Variants in NAPG observed in about 807,000 individuals in gnomAD.
The protein encoded by NAPG is gamma-soluble NSF attachment protein.
A neutral mutation model predicts 48.4 loss-of-function variants in NAPG; 25 were observed. That is an observed-to-expected ratio of 0.52 (90% CI 0.38 to 0.72). The LOEUF (loss-of-function observed/expected upper bound fraction) is 0.72. NAPG is among the 30% of genes least tolerant of loss of function. The pLI, the probability that NAPG is intolerant of heterozygous loss-of-function variation, is 0.00. For missense variants in NAPG, 359 were observed against 372.5 expected (o/e 0.96, Z 0.30); for synonymous variants, 139 against 127.2 (o/e 1.09, Z -0.62).
chr18:10,549,857 TA>T (rs1405488699), intron 11 of NAPG, among the ~76,000 whole-genome samples: 4 of 152,032 alleles, frequency 2.6e-5, no homozygotes, highest in African/African-American at 4.8e-5. Context: ...AAGTTTTAAT[TA>T]AAAAAAATTT....
rs981924499 is a variant in NAPG, at chr18:10,548,707, G to T, written c.666-260G>T. ...AGAAATCAAAATGAGGAATTTTCTC[G>T]GTGTTTAACATGAGCAGTCTTAATC... On this transcript the variant is annotated intron_variant, in intron 10 of 11. Coordinates refer to ENST00000322897, the MANE Select transcript of NAPG (RefSeq NM_003826.3). This position sits in a 1 kb window ranked among gnomAD's most constrained non-coding sequence, Gnocchi z 4.4. Among the ~76,000 whole-genome samples, 1 of 151,898 alleles carries T rather than the reference G, an allele frequency of 6.6e-6. No homozygotes were observed. The highest frequency in any genetic ancestry group is 2.4e-5 in the African/African-American group (1 of 41,346).
Position 10,552,546 on chromosome 18 carries a change from A to G in NAPG, c.*2326A>G, listed in dbSNP as rs1300740446. The G allele has an allele frequency of 3.9e-5, 6 of 152,264 alleles. No homozygotes were observed. Among genetic ancestry groups the G allele is most frequent in the Admixed American group, 2.0e-4 (3 of 15,284 alleles). The allele number at this position is 152,264 out of a possible 1,614,324, so 9.4% of individuals were successfully genotyped here. A position where few individuals can be genotyped will look rare whatever the true frequency, so the allele number is the denominator to read the frequency against. On this transcript the variant is annotated 3_prime_UTR_variant, in exon 12 of 12. Transcript: ENST00000322897. ...GAATATGCTCAGAATCTAATATTCA[A>G]TGTTCTGTTACATTGTAAGTGAAGT...
intron 8 of NAPG, among the ~76,000 whole-genome samples, chr18:10,541,998 A>G (rs1200891633): frequency 1.3e-5 from 2 of 152,216 alleles, no homozygotes; most frequent in African/African-American, 2.4e-5. Context: ...AAGCTCCACT[A>G]GGGATGGGGG....
rs2032002739 is a variant in NAPG, at chr18:10,534,974, A to G, written c.258+478A>G. ...CTGCATGGAATATTCCAACTAATGT[A>G]CCTGTGCCACTGTTTGTACTTCTGC... On this transcript the variant is annotated intron_variant, in intron 5 of 11. Coordinates refer to ENST00000322897, the MANE Select transcript of NAPG (RefSeq NM_003826.3). This position sits in a 1 kb window ranked among gnomAD's most constrained non-coding sequence, Gnocchi z 5.0. Among the ~76,000 whole-genome samples, 1 of 152,236 alleles carries G rather than the reference A, an allele frequency of 6.6e-6. No individual in the cohort carries two copies. Among genetic ancestry groups the G allele is most frequent in the Non-Finnish European group, 1.5e-5 (1 of 68,046 alleles).
chr18:10,540,273 A>AT, intron 7 of NAPG, 56 bp from the exon 8 acceptor site: 3 of 1,466,320 alleles, frequency 2.0e-6, no homozygotes, highest in Non-Finnish European at 2.9e-6. Flanking sequence ...ATATTAGGGG[A>AT]TAAAAACATT....
At chr18:10,535,477 G>A (rs2032012044) in intron 5 of NAPG, among the ~76,000 whole-genome samples, 1 of 152,186 alleles carries the variant, frequency 6.6e-6, no homozygotes, top group Non-Finnish European at 1.5e-5. Context: ...ATAGGAAAGT[G>A]AGGTTGGATG....
intron 8 of NAPG, among the ~76,000 whole-genome samples, chr18:10,541,944 C>G (rs1293613169): frequency 6.6e-6 from 1 of 152,178 alleles, no homozygotes; most frequent in Admixed American, 6.5e-5. Flanking sequence ...CGGGGGAGGT[C>G]AGATGAGGAA....
rs1255670583 is a variant in NAPG, at chr18:10,552,439, A to T, written c.*2219A>T. 1 of 152,210 alleles carries T rather than the reference A, an allele frequency of 6.6e-6. No individual in the cohort carries two copies. The highest frequency in any genetic ancestry group is 2.4e-5 in the African/African-American group (1 of 41,430). 9.4% of individuals were successfully genotyped at this position (152,210 alleles called of 1,614,324 possible). ...GTTTCTATCTTGAGAGCATAGTCCA[A>T]AGTGCAAAACTTGGTGTTTACAAGG... On this transcript the variant is annotated 3_prime_UTR_variant, in exon 12 of 12. Coordinates refer to ENST00000322897, the MANE Select transcript of NAPG (RefSeq NM_003826.3).
chr18:10,535,521 G>T (rs1306880377), intron 5 of NAPG, among the ~76,000 whole-genome samples: 1 of 152,222 alleles, frequency 6.6e-6, no homozygotes, highest in Non-Finnish European at 1.5e-5. Context: ...AGCACTTTGG[G>T]AGGCCAACGT....
intron 3 of NAPG, 102 bp from the exon 4 acceptor site, chr18:10,533,434 A>G (rs1210317620): frequency 5.0e-6 from 5 of 1,007,774 alleles, no homozygotes; most frequent in South Asian, 1.6e-5. Flanking sequence ...TTTGGAACCA[A>G]CTGGGTCAGT....
chr18:10,540,416 T>C lies in NAPG; in HGVS notation c.506+17T>C, dbSNP rs1289094082. The C allele has an allele frequency of 6.3e-7, 1 of 1,599,252 alleles. No individual in the cohort carries two copies. The highest frequency in any genetic ancestry group is 1.1e-5 in the South Asian group (1 of 89,908). ...AGGACGTAGGTATGTCTTTAAAAACTATTGCTGTGTGTTTAACTATACTTT... is the reference window on the plus strand; with the variant it reads ...AGGACGTAGGTATGTCTTTAAAAACCATTGCTGTGTGTTTAACTATACTTT... On this transcript the variant is annotated intron_variant, in intron 8 of 11. Coordinates refer to ENST00000322897, the MANE Select transcript of NAPG (RefSeq NM_003826.3).
Position 10,552,699 on chromosome 18 carries a change from AT to A in NAPG, c.*2480del, listed in dbSNP as rs1181385614. ...TGAGTAGAATATTAAATGTGTTGTT[AT>A]GGAAATACAGATTATTGCTTCTATA... is the stretch of plus-strand genomic sequence containing the variant. On this transcript the variant is annotated 3_prime_UTR_variant, in exon 12 of 12. Transcript: ENST00000322897. The A allele has an allele frequency of 5.3e-5, 8 of 152,234 alleles. No homozygotes were observed. Among genetic ancestry groups the A allele is most frequent in the Non-Finnish European group, 1.2e-4 (8 of 68,038 alleles). 9.4% of individuals were successfully genotyped at this position (152,234 alleles called of 1,614,324 possible). A position where few individuals can be genotyped will look rare whatever the true frequency, so the allele number is the denominator to read the frequency against.
intron 1 of NAPG, 126 bp from the exon 2 acceptor site, chr18:10,530,642 CAG>C (rs955120285): frequency 1.9e-6 from 1 of 537,660 alleles, no homozygotes; most frequent in Non-Finnish European, 3.0e-6. Context: ...GCGGGTGACA[CAG>C]AGTTTGTGCC....
chr18:10,540,997 G>A (rs1262286508), intron 8 of NAPG, among the ~76,000 whole-genome samples: 1 of 152,144 alleles, frequency 6.6e-6, no homozygotes, highest in Non-Finnish European at 1.5e-5. Context: ...GAGATTGTAA[G>A]TCTGCAGATA....
chr18:10,550,076 G>GTATGCTAAGCTGGGCC lies in NAPG; in HGVS notation c.797_812dup (p.Ser272CysfsTer2). 6.5e-7 allele frequency: 1 copy of GTATGCTAAGCTGGGCC among 1,547,300 alleles called. No individual in the cohort carries two copies. The highest frequency in any genetic ancestry group is 8.7e-7 in the Non-Finnish European group (1 of 1,155,014). ...TTAAGAACATGTTCTGTTGTTGACA[G>GTATGCTAAGCTGGGCC]TATGCTAAGCTGGGCCTGAGTTTGG... On this transcript the variant is annotated frameshift_variant and splice_region_variant. Coordinates refer to ENST00000322897, the MANE Select transcript of NAPG (RefSeq NM_003826.3). LOFTEE classifies it high-confidence loss of function.
chr18:10,542,559 G>C lies in NAPG; in HGVS notation c.506+2160G>C, dbSNP rs565909769. On this transcript the variant is annotated intron_variant, in intron 8 of 11. Transcript: ENST00000322897. The surrounding 1 kb of genome is among the most constrained non-coding windows in gnomAD (Gnocchi z 4.5). ...TAACTATGTGCTTAGATTATTATTT[G>C]ATTGCATCTGTTGCCTAAAAGAACT... Among the ~76,000 whole-genome samples, 1 of 152,270 alleles carries C rather than the reference G, an allele frequency of 6.6e-6. No individual in the cohort carries two copies. The highest frequency in any genetic ancestry group is 1.9e-4 in the East Asian group (1 of 5,172).
intron 1 of NAPG, among the ~76,000 whole-genome samples, chr18:10,530,234 G>A (rs181972961): frequency 6.1e-4 from 41 of 67,376 alleles, no homozygotes; most frequent in Middle Eastern, 0.013. Context: ...TTCCTCTGTT[G>A]TTTCACTGAA....
chr18:10,539,999 A>T lies in NAPG; in HGVS notation c.380A>T (p.Asn127Ile), dbSNP rs759601297. 1 of 1,602,098 alleles carries T rather than the reference A, an allele frequency of 6.2e-7. No homozygotes were observed. The highest frequency in any genetic ancestry group is 8.5e-7 in the Non-Finnish European group (1 of 1,173,464). The change falls in exon 7 of 12, where the codon AAT becomes ATT. Residue 127 changes from asparagine to isoleucine, a missense_variant. Coordinates refer to ENST00000322897, the MANE Select transcript of NAPG (RefSeq NM_003826.3). This position sits in a 1 kb window ranked among gnomAD's most constrained non-coding sequence, Gnocchi z 4.7. ...CTTGTCTGATTCAGGCTTATAGAAAATGTTGATCCAGAGAAGGCTGTACAG... is the reference window on the plus strand; with the variant it reads ...CTTGTCTGATTCAGGCTTATAGAAATTGTTGATCCAGAGAAGGCTGTACAG... ...ALERAGKLIE[N>I]VDPEKAVQLY...
At chr18:10,526,324 C>T in intron 1 of NAPG, 166 bp downstream of exon 1, 1 of 668,088 alleles carries the variant, frequency 1.5e-6, no homozygotes, top group Non-Finnish European at 2.5e-6. Context: ...GGTCACACTC[C>T]CGGGGTCGGG....
Sources: gnomAD v4.1 joint callset for allele counts (sites outside exome capture counted in the v4.1 genomes callset) on GRCh38, gnomAD v4.1.1 for gene constraint, Gnocchi (gnomAD v3.1) non-coding constraint, MANE v1.5 for transcripts, NCBI Gene and HGNC (gene_info 2026-07-23, HGNC 2026-07-21) for gene names.